The following NUP188 variants were observed in gnomAD, a reference collection of about 807,000 sequenced individuals.
NUP188 encodes nucleoporin 188.
In NUP188, 97 loss-of-function variants were observed where a neutral mutation model predicts 223.0. The observed-to-expected ratio is 0.43, with a 90% CI of 0.37 to 0.51. The LOEUF (loss-of-function observed/expected upper bound fraction) is 0.51, where lower values mean the gene tolerates loss of function less well. Ranked by LOEUF, NUP188 falls within the 20% of genes least tolerant of loss-of-function variation. The pLI is 0.00. For synonymous variants in NUP188, 869 were observed against 828.0 expected (o/e 1.05, Z -0.85); for missense variants, 1,947 against 2,175.6 (o/e 0.89, Z 2.09).
At chr9:128,972,562 G>A (rs1842118273) in intron 11 of NUP188, among the ~76,000 whole-genome samples, 1 of 152,140 alleles carries the variant, frequency 6.6e-6, no homozygotes, top group Non-Finnish European at 1.5e-5. Flanking sequence ...TCCATACAAT[G>A]TACAACACAA....
chr9:128,969,305 G>C (rs1229717240), intron 9 of NUP188, 95 bp from the exon 10 acceptor site: 2 of 742,598 alleles, frequency 2.7e-6, no homozygotes, highest in Non-Finnish European at 4.6e-6. Flanking sequence ...GGCCCAATAG[G>C]TTTTTTTGAT....
At position 128,980,586 on chromosome 9, in the gene NUP188, T is replaced by A; in HGVS notation, c.1270-20T>A. 6.2e-7 allele frequency: 1 copy of A among 1,600,340 alleles called. No individual in the cohort carries two copies. Among genetic ancestry groups the A allele is most frequent in the South Asian group, 1.1e-5 (1 of 88,294 alleles). On this transcript the variant is annotated intron_variant, in intron 13 of 43. Transcript: ENST00000372577. ...TTGTGGATAATGTGAAGATCAGTGA[T>A]TTGTCCCCTTCCACCACAGGAGCCA...
At chr9:128,960,166 C>T (rs1447941226) in intron 8 of NUP188, among the ~76,000 whole-genome samples, 6 of 149,884 alleles carry the variant, frequency 4.0e-5, no homozygotes, top group African/African-American at 1.5e-4. Flanking sequence ...CGGGTTCACG[C>T]CATTCTCCTG....
intron 1 of NUP188, 165 bp from the exon 2 acceptor site, chr9:128,949,024 C>T: frequency 1.8e-6 from 1 of 545,996 alleles, no homozygotes; most frequent in Non-Finnish European, 3.3e-6. Context: ...CGTGCCCGGC[C>T]CTAACAATAT....
Position 128,970,900 on chromosome 9 carries a change from T to A in NUP188, c.1055T>A (p.Leu352Gln). The A allele has an allele frequency of 6.2e-7, 1 of 1,614,120 alleles. No individual in the cohort carries two copies. The change falls in exon 11 of 44, where the codon CTG (leucine) becomes CAG (glutamine). Residue 352 changes from leucine (L) to glutamine (Q), a missense_variant. Transcript: ENST00000372577. ...VRKIGGTAIQ[L>Q]NVFQYLTRLL... is the part of the protein sequence containing the mutation. ...AAGATAGGTGGCACAGCCATCCAGC[T>A]GAATGTGTTTCAGTACTTGACCCGA...
intron 3 of NUP188, 78 bp from the exon 4 acceptor site, chr9:128,956,270 GAA>G: frequency 1.3e-6 from 1 of 799,104 alleles, no homozygotes. Flanking sequence ...TAGTCTGTAG[GAA>G]AAATATTTTA....
chr9:128,981,243 T>C (rs1228185924), intron 14 of NUP188, 21 bp from the exon 15 acceptor site: 5 of 1,610,284 alleles, frequency 3.1e-6, no homozygotes, highest in Non-Finnish European at 3.4e-6. Flanking sequence ...AAATGTGTGA[T>C]GGTTTTTTCT....
chr9:128,956,940 T>C lies in NUP188; in HGVS notation c.247-12T>C. 4 of 1,595,448 alleles carry C rather than the reference T, an allele frequency of 2.5e-6. No individual in the cohort carries two copies. The highest frequency in any genetic ancestry group is 2.6e-6 in the Non-Finnish European group (3 of 1,169,036). ...TCTGAGCTGTTCCTTACTTAAAATC[T>C]CTGTGTTTCAGGGTCTTGATGAAGA... On this transcript the variant is annotated splice_polypyrimidine_tract_variant and intron_variant, in intron 4 of 43. Coordinates refer to ENST00000372577, the MANE Select transcript of NUP188 (RefSeq NM_015354.3).
At chr9:128,994,643 A>G (rs1015430710) in intron 28 of NUP188, among the ~76,000 whole-genome samples, 42 of 152,166 alleles carry the variant, frequency 2.8e-4, no homozygotes, top group African/African-American at 9.9e-4. Flanking sequence ...GGTTTGCGCT[A>G]CTGTGTGTTG....
chr9:128,951,870 A>G (rs939905339), intron 2 of NUP188, among the ~76,000 whole-genome samples: 9 of 147,492 alleles, frequency 6.1e-5, no homozygotes, highest in African/African-American at 2.3e-4. Context: ...TCGGCTCACC[A>G]CAACCTCTGC....
intron 2 of NUP188, among the ~76,000 whole-genome samples, chr9:128,951,172 G>C (rs948979752): frequency 1.3e-5 from 2 of 152,144 alleles, no homozygotes; most frequent in Admixed American, 1.3e-4. Context: ...GCCCGGTGTG[G>C]TGGTGCATGC....
At position 128,979,270 on chromosome 9, in the gene NUP188, T is replaced by C. The variant is rs1307214906; in HGVS notation, c.1212T>C (p.Ile404=). 2 of 1,611,246 alleles carry C rather than the reference T, an allele frequency of 1.2e-6. No homozygotes were observed. The highest frequency in any genetic ancestry group is 8.5e-7 in the Non-Finnish European group (1 of 1,177,892). Reference sequence around the variant, plus strand: ...TTCCCTTCCTCAAACAGGATATAATTGATACAGCATGTGAAGTATTGGCCG... The same window carrying C: ...TTCCCTTCCTCAAACAGGATATAATCGATACAGCATGTGAAGTATTGGCCG... ...LHTLGNQQDI[I]DTACEVLADP... The change falls in exon 13 of 44, where the codon ATT becomes ATC. Residue 404 remains isoleucine (I), a synonymous_variant. Transcript: ENST00000372577.
chr9:128,991,162 C>CTTTTTTT (rs78549616), intron 25 of NUP188, among the ~76,000 whole-genome samples: 1 of 123,480 alleles, frequency 8.1e-6, no homozygotes, highest in African/African-American at 3.0e-5. Context: ...CTCCAGATTT[C>CTTTTTTT]TTTTTTTTTT....
chr9:128,971,482 G>C (rs987915079), intron 11 of NUP188, among the ~76,000 whole-genome samples: 1 of 151,336 alleles, frequency 6.6e-6, no homozygotes, highest in Admixed American at 6.6e-5. Flanking sequence ...GCAGTGGCAC[G>C]ATCTTGGCTC....
chr9:128,962,977 C>T (rs1442546204), intron 8 of NUP188, among the ~76,000 whole-genome samples: 1 of 152,140 alleles, frequency 6.6e-6, no homozygotes, highest in African/African-American at 2.4e-5. Flanking sequence ...TAGAACCACA[C>T]AATATGTAGA....
intron 27 of NUP188, 147 bp downstream of exon 27, chr9:128,993,841 CTCTT>C: frequency 2.9e-6 from 2 of 691,520 alleles, no homozygotes; most frequent in Non-Finnish European, 4.8e-6. Flanking sequence ...TACACTAATT[CTCTT>C]TCTAATGCTG....
intron 6 of NUP188, among the ~76,000 whole-genome samples, chr9:128,958,457 C>T (rs1481938659): frequency 1.3e-5 from 2 of 152,144 alleles, no homozygotes; most frequent in South Asian, 4.1e-4. Context: ...ACATTAGTTA[C>T]AAGCAATTAG....
intron 38 of NUP188, chr9:129,004,851 G>C (rs927325937): frequency 2.2e-6 from 1 of 463,008 alleles, no homozygotes; most frequent in African/African-American, 1.9e-5. Flanking sequence ...ACCTAGCTGG[G>C]TCTCAGGGAG....
chr9:128,982,041 C>T (rs1440674295), intron 15 of NUP188, among the ~76,000 whole-genome samples: 1 of 151,812 alleles, frequency 6.6e-6, no homozygotes, highest in East Asian at 1.9e-4. Flanking sequence ...CGCGCCATTG[C>T]ACTCCAGCCT....
Sources: allele counts gnomAD v4.1 joint callset (sites outside exome capture counted in the v4.1 genomes callset), GRCh38; gene constraint gnomAD v4.1.1; transcripts MANE v1.5; gene names NCBI Gene and HGNC (gene_info 2026-07-23, HGNC 2026-07-21).